SYNPR: variants seen among roughly 807,000 people sequenced by gnomAD.
The protein encoded by SYNPR is synaptoporin.
SYNPR carries 23 observed loss-of-function variants against 32.9 expected under a neutral mutation model. The ratio of observed to expected loss-of-function variants is 0.70; its 90% CI spans 0.50 to 0.99. The LOEUF (loss-of-function observed/expected upper bound fraction) is 0.99. Ranked by LOEUF, SYNPR falls within the 50% of genes least tolerant of loss-of-function variation. The pLI is 0.00. For missense variants in SYNPR, 318 were observed against 349.3 expected (o/e 0.91, Z 0.71); for synonymous variants, 146 against 135.9 (o/e 1.07, Z -0.52).
intron 2 of SYNPR, among the ~76,000 whole-genome samples, chr3:63,416,798 A>T (rs2088547977): frequency 6.6e-6 from 1 of 152,112 alleles, no homozygotes; most frequent in Non-Finnish European, 1.5e-5. Flanking sequence ...AAACCATCAG[A>T]TCTCATGAGA....
intron 2 of SYNPR, among the ~76,000 whole-genome samples, chr3:63,390,189 C>A (rs2088112875): frequency 6.6e-6 from 1 of 152,182 alleles, no homozygotes; most frequent in Non-Finnish European, 1.5e-5. Flanking sequence ...TCATGATAAA[C>A]AAATGTGCCT....
intron 4 of SYNPR, among the ~76,000 whole-genome samples, chr3:63,588,251 T>C (rs1019153071): frequency 4.0e-5 from 6 of 151,726 alleles, no homozygotes; most frequent in African/African-American, 1.5e-4. Context: ...TGTGAGGGGG[T>C]AGTTTTGTTC....
chr3:63,343,837 G>A (rs192764712), intron 2 of SYNPR, among the ~76,000 whole-genome samples: 1 of 152,352 alleles, frequency 6.6e-6, no homozygotes, highest in East Asian at 1.9e-4. Context: ...ATGTGCTACA[G>A]ATGTCTGGGA....
chr3:63,545,437 A>G (rs1316776933), intron 3 of SYNPR: 1 of 152,136 alleles, frequency 6.6e-6, no homozygotes, highest in Non-Finnish European at 1.5e-5. Context: ...GAAAATTATT[A>G]TAGTCTACAG....
chr3:63,321,456 T>C (rs2106968452), intron 2 of SYNPR, among the ~76,000 whole-genome samples: 1 of 152,156 alleles, frequency 6.6e-6, no homozygotes, highest in East Asian at 1.9e-4. Context: ...GTGATTACTG[T>C]TATTATGCGG....
At chr3:63,598,212 G>A (rs761765171) in intron 4 of SYNPR, among the ~76,000 whole-genome samples, 52 of 152,146 alleles carry the variant, frequency 3.4e-4, no homozygotes, top group Non-Finnish European at 6.6e-4. Context: ...ATATCCAGTG[G>A]AGTTGCTTGT....
chr3:63,335,925 T>G (rs1468977320), intron 2 of SYNPR, among the ~76,000 whole-genome samples: 2 of 152,050 alleles, frequency 1.3e-5, no homozygotes, highest in Non-Finnish European at 2.9e-5. Context: ...TACAGGCATG[T>G]GCCACCACAC....
chr3:63,510,579 G>A (rs1458766383), intron 3 of SYNPR, among the ~76,000 whole-genome samples: 2 of 152,124 alleles, frequency 1.3e-5, no homozygotes, highest in African/African-American at 4.8e-5. Context: ...TTGACATGAG[G>A]CCATAAAGGT....
At chr3:63,353,476 C>A (rs1056097763) in intron 2 of SYNPR, among the ~76,000 whole-genome samples, 5 of 152,156 alleles carry the variant, frequency 3.3e-5, no homozygotes, top group Admixed American at 1.3e-4. Flanking sequence ...ACATTCTGGG[C>A]TTTTGGGGCA....
intron 2 of SYNPR, among the ~76,000 whole-genome samples, chr3:63,381,374 C>T (rs902615913): frequency 1.6e-4 from 24 of 152,168 alleles, no homozygotes; most frequent in Non-Finnish European, 2.9e-4. Flanking sequence ...TCAAGGAGAA[C>T]TACAAACCAC....
intron 2 of SYNPR, among the ~76,000 whole-genome samples, chr3:63,479,085 T>C (rs1029621125): frequency 2.6e-5 from 4 of 152,138 alleles, no homozygotes; most frequent in Non-Finnish European, 5.9e-5. Flanking sequence ...CGACCTAGAA[T>C]AGCTTCTGAA....
At chr3:63,209,027 T>A in the SYNPR span, among the ~76,000 whole-genome samples, 1 of 152,180 alleles carries the variant, frequency 6.6e-6, no homozygotes, top group African/African-American at 2.4e-5. Context: ...ACCTTATTCC[T>A]TGATGAAAAG....
At chr3:63,526,290 G>T (rs1273142422) in intron 3 of SYNPR, among the ~76,000 whole-genome samples, 1 of 152,210 alleles carries the variant, frequency 6.6e-6, no homozygotes, top group Non-Finnish European at 1.5e-5. Context: ...ATAGCAGCTT[G>T]CTGGAGTTGC....
At chr3:63,467,617 C>T (rs770768127) in intron 2 of SYNPR, among the ~76,000 whole-genome samples, 7 of 152,140 alleles carry the variant, frequency 4.6e-5, no homozygotes, top group Non-Finnish European at 1.0e-4. Context: ...CAGATACAAA[C>T]AGAAGCTCAC....
intron 1 of SYNPR, among the ~76,000 whole-genome samples, chr3:63,232,995 A>G (rs1207921368): frequency 1.3e-5 from 2 of 152,212 alleles, no homozygotes; most frequent in Non-Finnish European, 2.9e-5. Context: ...GGTGACTAGA[A>G]CTTACTTTAC....
At chr3:63,465,467 A>G (rs1209815641) in intron 2 of SYNPR, among the ~76,000 whole-genome samples, 1 of 152,110 alleles carries the variant, frequency 6.6e-6, no homozygotes, top group Non-Finnish European at 1.5e-5. Flanking sequence ...ACAAAAAACT[A>G]TTGGATTTTG....
At chr3:63,548,716 A>G (rs1702453910) in intron 3 of SYNPR, among the ~76,000 whole-genome samples, 1 of 152,140 alleles carries the variant, frequency 6.6e-6, no homozygotes, top group South Asian at 2.1e-4. Context: ...TCAGCACTAC[A>G]ATTTGCCAAT....
chr3:63,520,738 T>C (rs1701896113), intron 3 of SYNPR, among the ~76,000 whole-genome samples: 2 of 150,620 alleles, frequency 1.3e-5, no homozygotes, highest in Admixed American at 6.6e-5. Flanking sequence ...AGAAAGGGAG[T>C]ACCCAGCTAG....
intron 2 of SYNPR, among the ~76,000 whole-genome samples, chr3:63,300,304 G>C (rs2106940478): frequency 7.3e-6 from 1 of 137,792 alleles, no homozygotes; most frequent in East Asian, 2.0e-4. Flanking sequence ...TCTGAGTTCT[G>C]AGTGTGAATT....
Sources: gnomAD v4.1 joint callset for allele counts (sites outside exome capture counted in the v4.1 genomes callset) on GRCh38, gnomAD v4.1.1 for gene constraint, MANE v1.5 for transcripts, NCBI Gene and HGNC (gene_info 2026-07-23, HGNC 2026-07-21) for gene names.